The following RBM22 variants were observed in gnomAD, a reference collection of about 807,000 sequenced individuals.
The protein encoded by RBM22 is RNA binding motif protein 22.
RBM22 carries 1 observed loss-of-function variant against 50.1 expected under a neutral mutation model. The observed-to-expected ratio is 0.02, with a 90% CI of 0.01 to 0.09. RBM22 has a LOEUF of 0.09. RBM22 is among the 10% of genes least tolerant of loss of function. The pLI is 1.00. For synonymous variants in RBM22, 152 were observed against 179.0 expected (o/e 0.85, Z 1.20); for missense variants, 264 against 529.3 (o/e 0.50, Z 4.92).
At chr5:150,699,317 A>T in intron 2 of RBM22, 46 bp from the exon 3 acceptor site, 1 of 1,536,036 alleles carries the variant, frequency 6.5e-7, no homozygotes, top group Non-Finnish European at 8.7e-7. Flanking sequence ...ACAGAAAGAA[A>T]AAAGCCAGAT....
rs1581549452 is a variant in RBM22, at chr5:150,700,735, C to T, written c.54+197G>A. The T allele has an allele frequency of 3.9e-6, 6 of 1,537,514 alleles. No homozygotes were observed. The African/African-American group carries it at 5.5e-5, about 14-fold the overall frequency. ...GGGCAGGGATGGAAAGGGTGCTGGT[C>T]CCGGGACCCTGGCTAAGCCCCCTCC... On this transcript the variant is annotated intron_variant, in intron 1 of 10. Transcript: ENST00000199814.
chr5:150,700,603 C>T, intron 1 of RBM22, 106 bp from the exon 2 acceptor site: 1 of 1,572,516 alleles, frequency 6.4e-7, no homozygotes, highest in South Asian at 1.2e-5. Context: ...GGGAACTAGG[C>T]ACGGCAGGAA....
rs150635770 is a variant in RBM22 at position 150,694,394 on chromosome 5, G to T, written c.747-154C>A. ...CCCGCAGGTCTCCACCCCATATCTT[G>T]TCCTACTGTGGGTGCTGCTGATTGA... is the stretch of plus-strand genomic sequence containing the variant. On this transcript the variant is annotated intron_variant, in intron 7 of 10. Coordinates refer to ENST00000199814, the MANE Select transcript of RBM22 (RefSeq NM_018047.3). 157 of 1,216,508 alleles carry T rather than the reference G, an allele frequency of 1.3e-4. No individual in the cohort carries two copies. In the African/African-American group the frequency reaches 2.0e-3, roughly 15 times the overall value. 75.4% of individuals were successfully genotyped at this position (1,216,508 alleles called of 1,614,324 possible).
chr5:150,692,817 G>A (rs1581545177), intron 10 of RBM22, 78 bp downstream of exon 10: 1 of 1,411,514 alleles, frequency 7.1e-7, no homozygotes, highest in Non-Finnish European at 9.6e-7. Flanking sequence ...ATTTGGATGT[G>A]TTGAACATGA....
At chr5:150,700,657 G>A in intron 1 of RBM22, 160 bp from the exon 2 acceptor site, 2 of 1,528,206 alleles carry the variant, frequency 1.3e-6, no homozygotes, top group Non-Finnish European at 1.8e-6. Flanking sequence ...GGCGCTGTCT[G>A]CACTTCCGGC....
At chr5:150,694,447 T>C (rs1321616450) in intron 7 of RBM22, 1 of 752,464 alleles carries the variant, frequency 1.3e-6, no homozygotes, top group Non-Finnish European at 1.9e-6. Context: ...AATGAGTAAA[T>C]AAAGGTTCTC....
rs901391708 is a variant in RBM22 at position 150,696,797 on chromosome 5, C to G, written c.366G>C (p.Glu122Asp). The G allele has an allele frequency of 1.2e-6, 2 of 1,614,160 alleles. No homozygotes were observed. The highest frequency in any genetic ancestry group is 3.3e-5 in the Admixed American group (2 of 60,024). Residue 122 changes from glutamate to aspartate, a missense_variant, in exon 5 of 11, where the codon GAG becomes GAC. Glu to Asp is a conservative substitution (Grantham distance 45). Around this residue, in one of 7 missense-constraint regions of RBM22, gnomAD observed 44 missense variants for 57.9 expected, o/e 0.76. Transcript: ENST00000199814. This position sits in a 1 kb window ranked among gnomAD's most constrained non-coding sequence, Gnocchi z 4.3. ...VNKEYYTQNM[E>D]REISNSDGTR... ...CCAAAAAGTGGCAGCATACCTCTCT[C>G]TCCATATTCTGTGTATAGTACTCTT...
At chr5:150,692,771 C>T in intron 10 of RBM22, 124 bp downstream of exon 10, 1 of 1,140,838 alleles carries the variant, frequency 8.8e-7, no homozygotes, top group East Asian at 2.5e-5. Flanking sequence ...AACAGATCAA[C>T]TTTACTGGTA....
In RBM22 at chr5:150,696,980, T is replaced by C. The variant is rs1348324266; in HGVS notation, c.272-89A>G. On this transcript the variant is annotated intron_variant, in intron 4 of 10. Coordinates refer to ENST00000199814, the MANE Select transcript of RBM22 (RefSeq NM_018047.3). The surrounding 1 kb of genome is among the most constrained non-coding windows in gnomAD (Gnocchi z 4.3). The stretch of plus-strand genomic sequence containing the variant: ...CACACAGAATACATCATCTTTCCCT[T>C]CTCCTCTTTCCTATTTAGTACCAGA... The C allele has an allele frequency of 2.4e-6, 3 of 1,244,472 alleles. No homozygotes were observed. Among genetic ancestry groups the C allele is most frequent in the East Asian group, 2.4e-5 (1 of 42,122 alleles). 77.1% of individuals were successfully genotyped at this position (1,244,472 alleles called of 1,614,324 possible). A position where few individuals can be genotyped will look rare whatever the true frequency, so the allele number is the denominator to read the frequency against.
At chr5:150,692,251 G>C (rs1209397014) in intron 10 of RBM22, among the ~76,000 whole-genome samples, 1 of 152,108 alleles carries the variant, frequency 6.6e-6, no homozygotes, top group African/African-American at 2.4e-5. Flanking sequence ...CAGAATGGAG[G>C]GTGCTCAGAA....
chr5:150,694,840 C>T (rs1302869010), intron 7 of RBM22: 1 of 152,520 alleles, frequency 6.6e-6, no homozygotes, highest in Non-Finnish European at 1.5e-5. Flanking sequence ...CCAAAAATAA[C>T]ACAAATTTAT....
intron 2 of RBM22, 91 bp downstream of exon 2, chr5:150,700,353 T>G (rs1186433163): frequency 3.8e-6 from 5 of 1,298,832 alleles, no homozygotes; most frequent in Non-Finnish European, 5.4e-6. Context: ...AGCATCATTT[T>G]TTCTGCTTGT....
chr5:150,696,594 G>A lies in RBM22; in HGVS notation c.484C>T (p.Pro162Ser). 1 of 1,614,138 alleles carries A rather than the reference G, an allele frequency of 6.2e-7. No homozygotes were observed. Among genetic ancestry groups the A allele is most frequent in the Non-Finnish European group, 8.5e-7 (1 of 1,180,014 alleles). Reference sequence around the variant, plus strand: ...TTCACCCAGAAGGAGCAAATGTGGGGTCGATTCCTTTTGTAGTAGGGTGTG... The same window carrying A: ...TTCACCCAGAAGGAGCAAATGTGGGATCGATTCCTTTTGTAGTAGGGTGTG... ...RTTPYYKRNR[P>S]HICSFWVKGE... The change falls in exon 6 of 11, where the codon CCC (proline) becomes TCC (serine). Residue 162 changes from proline to serine, a missense_variant. Physicochemically the swap from Pro to Ser is moderately conservative, Grantham distance 74. Around this residue, in one of 7 missense-constraint regions of RBM22, gnomAD observed 7 missense variants for 50.6 expected, o/e 0.14. Coordinates refer to ENST00000199814, the MANE Select transcript of RBM22 (RefSeq NM_018047.3). This position sits in a 1 kb window ranked among gnomAD's most constrained non-coding sequence, Gnocchi z 4.3.
Position 150,691,630 on chromosome 5 carries a change from C to A in RBM22, c.*121G>T. 1 of 1,190,996 alleles carries A rather than the reference C, an allele frequency of 8.4e-7. No individual in the cohort carries two copies. Among genetic ancestry groups the A allele is most frequent in the East Asian group, 2.7e-5 (1 of 37,730 alleles). 73.8% of individuals were successfully genotyped at this position (1,190,996 alleles called of 1,614,324 possible). A position where few individuals can be genotyped will look rare whatever the true frequency, so the allele number is the denominator to read the frequency against. On this transcript the variant is annotated 3_prime_UTR_variant, in exon 11 of 11. Transcript: ENST00000199814. Reference sequence around the variant, plus strand: ...ATGGCTGTCAGTCTCTGACTGCTCACATCTGAGCACATTCAGCTACCATGG... The same window carrying A: ...ATGGCTGTCAGTCTCTGACTGCTCAAATCTGAGCACATTCAGCTACCATGG...
Position 150,691,305 on chromosome 5 carries a change from A to G in RBM22, c.*446T>C, listed in dbSNP as rs1759204806. 6.6e-6 allele frequency: 1 copy of G among 152,500 alleles called. No individual in the cohort carries two copies. Among genetic ancestry groups the G allele is most frequent in the Non-Finnish European group, 1.5e-5 (1 of 68,154 alleles). The allele number at this position is 152,500 out of a possible 1,614,324, so 9.4% of individuals were successfully genotyped here. A position where few individuals can be genotyped will look rare whatever the true frequency, so the allele number is the denominator to read the frequency against. ...GTTAAATCACACTTAGGCCACTACA[A>G]TGATTAGTACTAGTTATCTTTTTTT... On this transcript the variant is annotated 3_prime_UTR_variant, in exon 11 of 11. Coordinates refer to ENST00000199814, the MANE Select transcript of RBM22 (RefSeq NM_018047.3).
Position 150,691,656 on chromosome 5 carries a change from A to G in RBM22, c.*95T>C. 1 of 1,338,734 alleles carries G rather than the reference A, an allele frequency of 7.5e-7. No individual in the cohort carries two copies. Among genetic ancestry groups the G allele is most frequent in the South Asian group, 2.0e-5 (1 of 49,704 alleles). 82.9% of individuals were successfully genotyped at this position (1,338,734 alleles called of 1,614,324 possible). A position where few individuals can be genotyped will look rare whatever the true frequency, so the allele number is the denominator to read the frequency against. ...ATCTGAGCACATTCAGCTACCATGG[A>G]AACTACAAGGGAAGGAAAAATATAT... On this transcript the variant is annotated 3_prime_UTR_variant, in exon 11 of 11. Transcript: ENST00000199814.
Position 150,698,490 on chromosome 5 carries a change from C to A in RBM22, c.271+9G>T. On this transcript the variant is annotated intron_variant, in intron 4 of 10. Transcript: ENST00000199814. The stretch of plus-strand genomic sequence containing the variant: ...ACACTTTCAGATTTATTGGACAGGT[C>A]AAACATACCATACTCTAGGTCTAAG... 1 of 1,613,420 alleles carries A rather than the reference C, an allele frequency of 6.2e-7. No individual in the cohort carries two copies. The highest frequency in any genetic ancestry group is 1.1e-5 in the South Asian group (1 of 90,970).
In RBM22 at chr5:150,696,994, T is replaced by C. The variant is rs41290547; in HGVS notation, c.272-103A>G. The C allele has an allele frequency of 0.065, 71,640 of 1,103,770 alleles. 2,985 individuals are homozygous for C. Among genetic ancestry groups the C allele is most frequent in the East Asian group, 0.14 (5,815 of 40,390 alleles). 68.4% of individuals were successfully genotyped at this position (1,103,770 alleles called of 1,614,324 possible). ...CATCTTTCCCTTCTCCTCTTTCCTATTTAGTACCAGAGACTTTACTATGTT... is the reference window on the plus strand; with the variant it reads ...CATCTTTCCCTTCTCCTCTTTCCTACTTAGTACCAGAGACTTTACTATGTT... On this transcript the variant is annotated intron_variant, in intron 4 of 10. Coordinates refer to ENST00000199814, the MANE Select transcript of RBM22 (RefSeq NM_018047.3). This position sits in a 1 kb window ranked among gnomAD's most constrained non-coding sequence, Gnocchi z 4.3.
chr5:150,693,168 G>A (rs755397053), intron 9 of RBM22, 51 bp downstream of exon 9: 26 of 1,568,434 alleles, frequency 1.7e-5, no homozygotes, highest in Non-Finnish European at 2.1e-5. Flanking sequence ...TCCAAAATAG[G>A]AACATCAGGG....
Sources: allele counts gnomAD v4.1 joint callset (sites outside exome capture counted in the v4.1 genomes callset), GRCh38; gene constraint gnomAD v4.1.1; regional missense constraint gnomAD v4.1.1; non-coding constraint Gnocchi (gnomAD v3.1); transcripts MANE v1.5; gene names NCBI Gene and HGNC (gene_info 2026-07-23, HGNC 2026-07-21).